Variants in LRRC4C observed in about 807,000 individuals in gnomAD.
LRRC4C encodes the protein leucine-rich repeat-containing protein 4C.
In LRRC4C, 5 loss-of-function variants were observed where a neutral mutation model predicts 33.6. That is an observed-to-expected ratio of 0.15 (90% confidence interval 0.08 to 0.31). LRRC4C has a LOEUF of 0.31. Ranked by LOEUF, LRRC4C falls within the 10% of genes least tolerant of loss-of-function variation. The pLI is 1.00. For missense variants in LRRC4C, 560 were observed against 796.7 expected (o/e 0.70, Z 3.58); for synonymous variants, 329 against 302.0 (o/e 1.09, Z -0.93).
intron 3 of LRRC4C, among the ~76,000 whole-genome samples, chr11:40,435,517 G>A (rs1285661128): frequency 6.6e-6 from 1 of 152,074 alleles, no homozygotes; most frequent in Non-Finnish European, 1.5e-5. Context: ...CTTTTCCATT[G>A]GCTCTCCATT....
chr11:40,795,390 C>A (rs372492722), intron 2 of LRRC4C, among the ~76,000 whole-genome samples: 4 of 152,040 alleles, frequency 2.6e-5, no homozygotes, highest in South Asian at 4.1e-4. Flanking sequence ...ATTAGCCAGG[C>A]GTGGTGGCGG....
At chr11:40,775,866 G>A (rs1949972093) in intron 2 of LRRC4C, among the ~76,000 whole-genome samples, 1 of 152,150 alleles carries the variant, frequency 6.6e-6, no homozygotes, top group Non-Finnish European at 1.5e-5. Flanking sequence ...TTCTTAAGGG[G>A]AATGTTTTCT....
chr11:41,388,274 G>A (rs917393042), intron 1 of LRRC4C, among the ~76,000 whole-genome samples: 28 of 151,756 alleles, frequency 1.8e-4, no homozygotes, highest in African/African-American at 5.8e-4. Flanking sequence ...TAGTGCTAGG[G>A]TAAAGATAAT....
At chr11:40,681,260 A>T (rs1315348649) in intron 2 of LRRC4C, among the ~76,000 whole-genome samples, 1 of 152,256 alleles carries the variant, frequency 6.6e-6, no homozygotes, top group Non-Finnish European at 1.5e-5. Flanking sequence ...ACAAGAGTAC[A>T]TAAATACAGG....
At chr11:40,383,331 T>C (rs1475028203) in intron 3 of LRRC4C, among the ~76,000 whole-genome samples, 1 of 152,216 alleles carries the variant, frequency 6.6e-6, no homozygotes, top group East Asian at 1.9e-4. Context: ...GAAGTTCAGA[T>C]ATCTGTTTGA....
chr11:41,097,856 T>C (rs1442072401), intron 1 of LRRC4C, among the ~76,000 whole-genome samples: 1 of 152,070 alleles, frequency 6.6e-6, no homozygotes, highest in Non-Finnish European at 1.5e-5. Context: ...ATGCCTCACA[T>C]CCCTGTTCAT....
chr11:40,554,076 C>T (rs1370298015), intron 3 of LRRC4C, among the ~76,000 whole-genome samples: 2 of 152,052 alleles, frequency 1.3e-5, no homozygotes, highest in African/African-American at 2.4e-5. Flanking sequence ...GTTTGAGGTC[C>T]TACATTTAAG....
At chr11:40,845,627 G>A (rs1953120792) in intron 2 of LRRC4C, among the ~76,000 whole-genome samples, 1 of 152,088 alleles carries the variant, frequency 6.6e-6, no homozygotes, top group Non-Finnish European at 1.5e-5. Flanking sequence ...TGTAAATAGT[G>A]GTGCAATAAA....
chr11:41,255,111 C>G (rs1475040244), intron 1 of LRRC4C, among the ~76,000 whole-genome samples: 1 of 151,970 alleles, frequency 6.6e-6, no homozygotes, highest in African/African-American at 2.4e-5. Context: ...ATACCATTCC[C>G]TAAAAGCTCA....
chr11:41,377,716 A>G (rs77824887), intron 1 of LRRC4C, among the ~76,000 whole-genome samples: 4,273 of 152,254 alleles, frequency 0.028, 207 homozygotes, highest in African/African-American at 0.097. Context: ...CCACCTGAAA[A>G]GCACTGAAAT....
intron 2 of LRRC4C, among the ~76,000 whole-genome samples, chr11:40,731,030 G>C (rs1363048630): frequency 6.6e-6 from 1 of 152,008 alleles, no homozygotes; most frequent in Non-Finnish European, 1.5e-5. Context: ...GTTTAAAAGT[G>C]TGTGGCCGTC....
chr11:40,754,718 T>A (rs2137018379), intron 2 of LRRC4C, among the ~76,000 whole-genome samples: 1 of 152,262 alleles, frequency 6.6e-6, no homozygotes. Flanking sequence ...TCATTTTTAA[T>A]TTCCTCTTGT....
At chr11:40,231,180 A>C (rs953728121) in intron 5 of LRRC4C, among the ~76,000 whole-genome samples, 11 of 152,174 alleles carry the variant, frequency 7.2e-5, no homozygotes, top group Non-Finnish European at 1.3e-4. Context: ...CAAACTTGGC[A>C]ACAACAGAGT....
chr11:40,936,065 T>TATATATATA (rs1555008817), intron 1 of LRRC4C, among the ~76,000 whole-genome samples: 8 of 75,822 alleles, frequency 1.1e-4, no homozygotes, highest in Non-Finnish European at 1.9e-4. Context: ...TATATATATA[T>TATATATATA]AACATAGTTT....
chr11:40,338,197 A>G (rs1946714065), intron 3 of LRRC4C, among the ~76,000 whole-genome samples: 1 of 152,330 alleles, frequency 6.6e-6, no homozygotes, highest in Admixed American at 6.5e-5. Context: ...CTTGACTTGT[A>G]TCATAGCAAT....
intron 3 of LRRC4C, among the ~76,000 whole-genome samples, chr11:40,375,207 G>A (rs1238002540): frequency 1.3e-5 from 2 of 152,118 alleles, no homozygotes; most frequent in Non-Finnish European, 2.9e-5. Flanking sequence ...TCTTGGAAGA[G>A]GAAAAATAAC....
At chr11:40,651,237 A>G (rs574938193) in intron 2 of LRRC4C, among the ~76,000 whole-genome samples, 1 of 152,250 alleles carries the variant, frequency 6.6e-6, no homozygotes, top group African/African-American at 2.4e-5. Flanking sequence ...TATTAGAGGA[A>G]TATTTAGGAT....
At chr11:40,430,965 G>T (rs1399700488) in intron 3 of LRRC4C, among the ~76,000 whole-genome samples, 1 of 93,020 alleles carries the variant, frequency 1.1e-5, no homozygotes, top group African/African-American at 4.2e-5. Context: ...GGGGAGGGGG[G>T]AGGGATAGCA....
At position 41,315,767 on chromosome 11, in the gene LRRC4C, G is replaced by GACATGAGA. The variant is rs1419470526; in HGVS notation, c.-496+143656_-496+143663dup. 2.0e-5 allele frequency among the ~76,000 whole-genome samples: 3 copies of GACATGAGA among 152,152 alleles called. No homozygotes were observed. In the South Asian group the frequency reaches 6.2e-4, roughly 32 times the overall value. ...GTTTGTTAATCAGAAAGAGATAGCTGACATGAGAAAACAAACCTATATAGA... is the reference window on the plus strand; with the variant it reads ...GTTTGTTAATCAGAAAGAGATAGCTGACATGAGAACATGAGAAAACAAACCTATATAGA... On this transcript the variant is annotated intron_variant, in intron 1 of 6. Transcript: ENST00000528697.
Sources: allele counts gnomAD v4.1 joint callset (sites outside exome capture counted in the v4.1 genomes callset), GRCh38; gene constraint gnomAD v4.1.1; transcripts MANE v1.5; gene names NCBI Gene and HGNC (gene_info 2026-07-23, HGNC 2026-07-21).